Variants in SLC25A15 observed in about 807,000 individuals in gnomAD.
The protein encoded by SLC25A15 is solute carrier family 25 member 15, also known as mitochondrial ornithine transporter 1.
In SLC25A15, 24 loss-of-function variants were observed where a neutral mutation model predicts 32.3. The observed-to-expected ratio is 0.74, with a 90% CI of 0.54 to 1.04. The LOEUF (loss-of-function observed/expected upper bound fraction) is 1.04. SLC25A15 is among the 50% of genes least tolerant of loss of function. The pLI is 0.00. For synonymous variants in SLC25A15, 132 were observed against 142.1 expected (o/e 0.93, Z 0.51); for missense variants, 317 against 374.5 (o/e 0.85, Z 1.27).
At chr13:40,808,329 T>A (rs1384445002) in intron 5 of SLC25A15, 109 bp from the exon 6 acceptor site, 1 of 921,584 alleles carries the variant, frequency 1.1e-6, no homozygotes, top group Non-Finnish European at 1.8e-6. Flanking sequence ...TCTGTAGCAT[T>A]AGCATTTTTA....
chr13:40,799,341 T>TA, intron 3 of SLC25A15, 26 bp downstream of exon 3: 2 of 1,614,038 alleles, frequency 1.2e-6, no homozygotes. Context: ...ACACTTTTTT[T>TA]ATTTGTTTAA....
chr13:40,791,138 T>C (rs1335759249), intron 1 of SLC25A15, among the ~76,000 whole-genome samples: 1 of 151,794 alleles, frequency 6.6e-6, no homozygotes, highest in African/African-American at 2.4e-5. Context: ...TTTGGCCAGG[T>C]TGAAATACTC....
chr13:40,809,257 G>C (rs1396444332), intron 6 of SLC25A15, among the ~76,000 whole-genome samples: 1 of 152,180 alleles, frequency 6.6e-6, no homozygotes, highest in Non-Finnish European at 1.5e-5. Context: ...CCTCTGTCTG[G>C]CCATCTCAGG....
At chr13:40,797,534 C>G (rs1330674718) in intron 2 of SLC25A15, among the ~76,000 whole-genome samples, 1 of 152,062 alleles carries the variant, frequency 6.6e-6, no homozygotes, top group African/African-American at 2.4e-5. Context: ...AAATTATATT[C>G]CACTAATTCA....
rs200219313 is a variant in SLC25A15 at position 40,793,287 on chromosome 13, G to C, written c.55+6G>C. On this transcript the variant is annotated splice_donor_region_variant and intron_variant, in intron 2 of 6. Transcript: ENST00000338625. ...CCTCACAGCGGGGGCTGCAGGTACAGTCATGTGCCTCATCACCATGTTTCT... is the reference window on the plus strand; with the variant it reads ...CCTCACAGCGGGGGCTGCAGGTACACTCATGTGCCTCATCACCATGTTTCT... The C allele has an allele frequency of 7.4e-5, 120 of 1,611,934 alleles. No homozygotes were observed. Among genetic ancestry groups the C allele is most frequent in the Admixed American group, 6.8e-4 (41 of 59,890 alleles).
chr13:40,811,145 TTAA>T lies in SLC25A15; in HGVS notation c.*1480_*1482del, dbSNP rs1474431022. Among the ~76,000 whole-genome samples the T allele has an allele frequency of 6.6e-6, 1 of 152,244 alleles. No homozygotes were observed. Among genetic ancestry groups the T allele is most frequent in the Non-Finnish European group, 1.5e-5 (1 of 68,046 alleles). ...ATTTGGTACTTGCAGTCAGTAAGTCTTAATGATGACTGTATATGTGATATGAGT... is the reference window on the plus strand; with the variant it reads ...ATTTGGTACTTGCAGTCAGTAAGTCTTGATGACTGTATATGTGATATGAGT... On this transcript the variant is annotated 3_prime_UTR_variant, in exon 7 of 7. Coordinates refer to ENST00000338625, the MANE Select transcript of SLC25A15 (RefSeq NM_014252.4).
intron 3 of SLC25A15, among the ~76,000 whole-genome samples, chr13:40,802,574 T>C (rs1881936408): frequency 6.6e-6 from 1 of 150,622 alleles, no homozygotes; most frequent in Admixed American, 6.6e-5. Flanking sequence ...TAAGTCCATC[T>C]GTGCTTTTTT....
chr13:40,803,249 G>A (rs1287179718), intron 3 of SLC25A15, among the ~76,000 whole-genome samples: 1 of 147,366 alleles, frequency 6.8e-6, no homozygotes, highest in East Asian at 2.0e-4. Flanking sequence ...GAGTCTCACT[G>A]TGTCACCCAG....
intron 2 of SLC25A15, among the ~76,000 whole-genome samples, chr13:40,796,810 G>A (rs932196191): frequency 5.9e-5 from 9 of 151,940 alleles, no homozygotes; most frequent in Admixed American, 4.6e-4. Context: ...TCTGTATCTC[G>A]TGATTTACTG....
intron 3 of SLC25A15, among the ~76,000 whole-genome samples, chr13:40,804,665 C>G (rs1466876812): frequency 6.6e-6 from 1 of 151,730 alleles, no homozygotes; most frequent in African/African-American, 2.4e-5. Context: ...CCTCAGCCTC[C>G]TGAGTAGCTG....
chr13:40,790,829 C>G lies in SLC25A15; in HGVS notation c.-70+1166C>G, dbSNP rs907636745. Among the ~76,000 whole-genome samples the G allele has an allele frequency of 1.3e-5, 2 of 152,184 alleles. 1 individual carries two copies. Among genetic ancestry groups the G allele is most frequent in the Admixed American group, 1.3e-4 (2 of 15,284 alleles). On this transcript the variant is annotated intron_variant, in intron 1 of 6. Transcript: ENST00000338625. ...CTCGAACTCCCGACCTCAGGTGATC[C>G]GCCCGCCTTGGCCTCCCAAAGTGCT...
At chr13:40,803,457 G>A (rs1338458029) in intron 3 of SLC25A15, among the ~76,000 whole-genome samples, 1 of 152,148 alleles carries the variant, frequency 6.6e-6, no homozygotes, top group Non-Finnish European at 1.5e-5. Context: ...CCAAAGTGCT[G>A]GAATTACAGG....
intron 2 of SLC25A15, chr13:40,798,718 A>G: frequency 5.1e-6 from 5 of 975,562 alleles, no homozygotes; most frequent in Non-Finnish European, 6.1e-6. Flanking sequence ...TGAGGCTCAG[A>G]AGTTACATGG....
At chr13:40,793,753 G>A (rs1183925439) in intron 2 of SLC25A15, among the ~76,000 whole-genome samples, 2 of 152,230 alleles carry the variant, frequency 1.3e-5, no homozygotes, top group East Asian at 3.8e-4. Context: ...CCATTTGATG[G>A]AAGTTTAGTA....
In SLC25A15 at chr13:40,812,303, CTT is replaced by C. The variant is rs1156230104; in HGVS notation, c.*2637_*2638del. On this transcript the variant is annotated 3_prime_UTR_variant, in exon 7 of 7. Coordinates refer to ENST00000338625, the MANE Select transcript of SLC25A15 (RefSeq NM_014252.4). ...GGCAAGTGGAAATGAGGAACGGAAA[CTT>C]AGGTTGGGAGAATATTTTTTTTTTA... is the stretch of plus-strand genomic sequence containing the variant. Among the ~76,000 whole-genome samples the C allele has an allele frequency of 6.6e-6, 1 of 152,130 alleles. No individual in the cohort carries two copies. Among genetic ancestry groups the C allele is most frequent in the African/African-American group, 2.4e-5 (1 of 41,426 alleles).
chr13:40,801,065 A>G (rs917248869), intron 3 of SLC25A15, among the ~76,000 whole-genome samples: 5 of 151,904 alleles, frequency 3.3e-5, no homozygotes, highest in African/African-American at 1.2e-4. Context: ...AAACCCCGTC[A>G]CTACAAAAAA....
rs1593294212 is a variant in SLC25A15, at chr13:40,805,205, G to A, written c.402G>A (p.Leu134=). ...CCACGGAGCTCGTGAAGTGCCGGCT[G>A]CAGACCATGTATGAGATGGAGACAT... ...LCPTELVKCR[L]QTMYEMETSG... is the part of the protein sequence containing the mutation. The change falls in exon 4 of 7, where the codon CTG becomes CTA. Residue 134 remains leucine (L), a synonymous_variant. Transcript: ENST00000338625. The A allele has an allele frequency of 3.7e-6, 6 of 1,614,072 alleles. No individual in the cohort carries two copies. Among genetic ancestry groups the A allele is most frequent in the Non-Finnish European group, 5.1e-6 (6 of 1,180,032 alleles).
At position 40,793,316 on chromosome 13, in the gene SLC25A15, G is replaced by A. The variant is rs202193033; in HGVS notation, c.55+35G>A. On this transcript the variant is annotated intron_variant, in intron 2 of 6. Coordinates refer to ENST00000338625, the MANE Select transcript of SLC25A15 (RefSeq NM_014252.4). ...TGTGCCTCATCACCATGTTTCTGTCGTTGATGGATGGTGTATCTGATGGTG... is the reference window on the plus strand; with the variant it reads ...TGTGCCTCATCACCATGTTTCTGTCATTGATGGATGGTGTATCTGATGGTG... 4,435 of 1,558,462 alleles carry A rather than the reference G, an allele frequency of 2.8e-3. 10 individuals are homozygous for A. The highest frequency in any genetic ancestry group is 0.012 in the Middle Eastern group (69 of 5,964).
intron 2 of SLC25A15, among the ~76,000 whole-genome samples, chr13:40,794,255 G>A (rs1324121785): frequency 7.2e-5 from 11 of 151,910 alleles, no homozygotes; most frequent in African/African-American, 1.9e-4. Context: ...CAGGAGAATC[G>A]CTTGAACCCC....
Sources: allele counts gnomAD v4.1 joint callset (sites outside exome capture counted in the v4.1 genomes callset), GRCh38; gene constraint gnomAD v4.1.1; transcripts MANE v1.5; gene names NCBI Gene and HGNC (gene_info 2026-07-23, HGNC 2026-07-21).